The following TBC1D19 variants were observed in gnomAD, a reference collection of about 807,000 sequenced individuals.
The protein encoded by TBC1D19 is TBC1 domain family member 19, also known as TBC1 domain family, member 19.
TBC1D19 carries 60 observed loss-of-function variants against 89.0 expected under a neutral mutation model. The ratio of observed to expected loss-of-function variants is 0.67; its 90% CI spans 0.55 to 0.84. The LOEUF (loss-of-function observed/expected upper bound fraction) is 0.84. TBC1D19 is among the 40% of genes least tolerant of loss of function. The pLI, the probability that TBC1D19 is intolerant of heterozygous loss-of-function variation, is 0.00. For missense variants in TBC1D19, 500 were observed against 610.8 expected, an observed-to-expected ratio of 0.82 and a Z score of 1.91; for synonymous variants, 189 against 199.7, an observed-to-expected ratio of 0.95 and a Z score of 0.45.
intron 15 of TBC1D19, among the ~76,000 whole-genome samples, chr4:26,730,809 C>G (rs1373010006): frequency 6.6e-6 from 1 of 152,192 alleles, no homozygotes; most frequent in African/African-American, 2.4e-5. Context: ...ACCTCTCTGT[C>G]CTGAGGTATA....
At position 26,748,396 on chromosome 4, in the gene TBC1D19, T is replaced by A. The variant is rs1403078360; in HGVS notation, c.1320-15T>A. On this transcript the variant is annotated splice_polypyrimidine_tract_variant and intron_variant, in intron 18 of 20. Transcript: ENST00000264866. Reference sequence around the variant, plus strand: ...TTTCAGTGGTACATTAATTTTTATTTTTCCTTGCTTATAGACTTCGCATAT... The same window carrying A: ...TTTCAGTGGTACATTAATTTTTATTATTCCTTGCTTATAGACTTCGCATAT... 1.9e-6 allele frequency: 3 copies of A among 1,589,636 alleles called. No homozygotes were observed. Among genetic ancestry groups the A allele is most frequent in the African/African-American group, 1.4e-5 (1 of 73,884 alleles).
At chr4:26,659,506 G>C (rs953266346) in intron 7 of TBC1D19, 91 bp from the exon 8 acceptor site, 1 of 680,610 alleles carries the variant, frequency 1.5e-6, no homozygotes, top group Admixed American at 2.5e-5. Flanking sequence ...AATTAATTTT[G>C]TGGTGATACA....
the TBC1D19 span, among the ~76,000 whole-genome samples, chr4:26,798,401 CAG>C: frequency 1.3e-5 from 2 of 152,074 alleles, no homozygotes; most frequent in East Asian, 3.9e-4. Flanking sequence ...TCAAAAGCAA[CAG>C]ATGTTGGTAT....
At chr4:26,822,281 G>T in the TBC1D19 span, among the ~76,000 whole-genome samples, 1 of 152,240 alleles carries the variant, frequency 6.6e-6, no homozygotes, top group African/African-American at 2.4e-5. Flanking sequence ...CCTGGCCTGT[G>T]CCATCTACTG....
At chr4:26,788,117 G>A in the TBC1D19 span, among the ~76,000 whole-genome samples, 6 of 152,264 alleles carry the variant, frequency 3.9e-5, no homozygotes, top group South Asian at 8.3e-4. Flanking sequence ...AGAGAAGGCC[G>A]GCTGCCAGCT....
At chr4:26,744,359 T>C (rs779766654) in intron 18 of TBC1D19, among the ~76,000 whole-genome samples, 3 of 151,622 alleles carry the variant, frequency 2.0e-5, no homozygotes, top group Non-Finnish European at 4.4e-5. Flanking sequence ...TCTCTGTTGT[T>C]TTTCTACTTT....
chr4:26,832,222 G>C, the TBC1D19 span, among the ~76,000 whole-genome samples: 2 of 152,046 alleles, frequency 1.3e-5, no homozygotes, highest in East Asian at 3.8e-4. Context: ...CAGATTTTTT[G>C]GCAAATGAGT....
At chr4:26,645,437 A>C (rs567066859) in intron 7 of TBC1D19, among the ~76,000 whole-genome samples, 15 of 152,372 alleles carry the variant, frequency 9.8e-5, no homozygotes, top group Admixed American at 7.8e-4. Context: ...GGTGCTGGGA[A>C]AACTAGCTAT....
At chr4:26,590,796 GTTTTT>G (rs869124166) in intron 1 of TBC1D19, among the ~76,000 whole-genome samples, 2 of 52,958 alleles carry the variant, frequency 3.8e-5, no homozygotes, top group Non-Finnish European at 6.3e-5. Flanking sequence ...TTGCAGGTCT[GTTTTT>G]TTTTTTTTTT....
intron 7 of TBC1D19, among the ~76,000 whole-genome samples, chr4:26,642,817 A>T (rs1256402923): frequency 8.5e-6 from 1 of 117,422 alleles, no homozygotes; most frequent in African/African-American, 2.6e-5. Context: ...ACAAACAAAG[A>T]TCAAAAGAGA....
chr4:26,793,667 G>C, the TBC1D19 span, among the ~76,000 whole-genome samples: 1 of 146,578 alleles, frequency 6.8e-6, no homozygotes, highest in Non-Finnish European at 1.5e-5. Context: ...AGGTTGCAGT[G>C]AGCAGAGATC....
chr4:26,686,021 C>T lies in TBC1D19; in HGVS notation c.891+2272C>T, dbSNP rs143626096. 4.4e-4 allele frequency among the ~76,000 whole-genome samples: 67 copies of T among 152,162 alleles called. No individual in the cohort carries two copies. The East Asian group carries it at 0.012, about 28-fold the overall frequency. ...TTAATGGCATCTAAGCTGTGCGCAA[C>T]GTGAATGTTTTTAGGAAGATATCTG... is the stretch of plus-strand genomic sequence containing the variant. On this transcript the variant is annotated intron_variant, in intron 12 of 20. Transcript: ENST00000264866.
intron 2 of TBC1D19, among the ~76,000 whole-genome samples, chr4:26,613,507 C>T (rs1422961010): frequency 6.6e-6 from 1 of 152,098 alleles, no homozygotes; most frequent in Non-Finnish European, 1.5e-5. Context: ...CTTGGATACT[C>T]TTGTAAGGCA....
intron 1 of TBC1D19, among the ~76,000 whole-genome samples, chr4:26,598,227 A>G (rs1740357241): frequency 6.6e-6 from 1 of 152,224 alleles, no homozygotes; most frequent in East Asian, 1.9e-4. Flanking sequence ...AGGACCAGAT[A>G]TTAAGGAATT....
At position 26,672,163 on chromosome 4, in the gene TBC1D19, G is replaced by C. The variant is rs1345390868; in HGVS notation, c.679G>C (p.Glu227Gln). The change falls in exon 10 of 21, where the codon GAA (glutamate) becomes CAA (glutamine). Residue 227 changes from glutamate (E) to glutamine (Q), a missense_variant. Physicochemically the swap from Glu to Gln is conservative, Grantham distance 29. This residue lies in a region of TBC1D19 where 280 missense variants were observed against 291.7 expected (regional missense o/e 0.96). Transcript: ENST00000264866. ...TTAATTTTTAGAACTTTTTGAAAAT[G>C]AACATGTACGTATTGGGCAAAAAGG... ...TQVPPELFEN[E>Q]HVRIGQKVLA... 1.6e-6 allele frequency: 2 copies of C among 1,239,576 alleles called. No homozygotes were observed. The highest frequency in any genetic ancestry group is 2.1e-6 in the Non-Finnish European group (2 of 932,482). 76.8% of individuals were successfully genotyped at this position (1,239,576 alleles called of 1,614,324 possible).
At chr4:26,680,539 T>C (rs922223519) in intron 11 of TBC1D19, among the ~76,000 whole-genome samples, 3 of 152,170 alleles carry the variant, frequency 2.0e-5, no homozygotes, top group Non-Finnish European at 4.4e-5. Flanking sequence ...AACAAAATTC[T>C]GTGCTAGACT....
the TBC1D19 span, among the ~76,000 whole-genome samples, chr4:26,790,531 C>T: frequency 4.0e-5 from 6 of 150,556 alleles, no homozygotes; most frequent in Non-Finnish European, 5.9e-5. Flanking sequence ...TTGATATTAC[C>T]GTGATGGATG....
chr4:26,629,173 T>C (rs1399367721), intron 4 of TBC1D19, among the ~76,000 whole-genome samples: 4 of 152,020 alleles, frequency 2.6e-5, no homozygotes, highest in African/African-American at 2.4e-5. Context: ...CCTCCTCTCA[T>C]CCCATATGTT....
the TBC1D19 span, among the ~76,000 whole-genome samples, chr4:26,808,736 A>G: frequency 6.7e-6 from 1 of 149,646 alleles, no homozygotes; most frequent in Admixed American, 6.6e-5. Context: ...TCAAAAAAAA[A>G]AAAAAAAAAA....
Sources: gnomAD v4.1 joint callset for allele counts (sites outside exome capture counted in the v4.1 genomes callset) on GRCh38, gnomAD v4.1.1 for gene constraint, gnomAD v4.1.1 regional missense constraint, MANE v1.5 for transcripts, NCBI Gene and HGNC (gene_info 2026-07-23, HGNC 2026-07-21) for gene names.